The following SNAP29 variants were observed in gnomAD, a reference collection of about 807,000 sequenced individuals.
SNAP29 encodes the protein synaptosome associated protein 29.
SNAP29 carries 13 observed loss-of-function variants against 27.9 expected under a neutral mutation model. The ratio of observed to expected loss-of-function variants is 0.47; its 90% confidence interval spans 0.30 to 0.74. The LOEUF is 0.74. SNAP29 is among the 30% of genes least tolerant of loss of function. The probability of loss-of-function intolerance (pLI) is 0.06; values close to 1 mark genes in which losing one functional copy is unlikely to be tolerated. For missense variants in SNAP29, 368 were observed against 336.5 expected, an observed-to-expected ratio of 1.09 and a Z score of -0.73; for synonymous variants, 119 against 127.1, an observed-to-expected ratio of 0.94 and a Z score of 0.43.
chr22:20,872,794 C>T (rs560648461), intron 2 of SNAP29, among the ~76,000 whole-genome samples: 1 of 139,476 alleles, frequency 7.2e-6, no homozygotes, highest in Admixed American at 7.7e-5. Context: ...CCTCAGCCTC[C>T]TAGAGTGCCG....
chr22:20,882,598 A>G (rs539612019), intron 3 of SNAP29, among the ~76,000 whole-genome samples: 89 of 152,138 alleles, frequency 5.8e-4, no homozygotes, highest in African/African-American at 2.1e-3. Context: ...AGCACAGTTC[A>G]TTCTGGAAAG....
chr22:20,888,492 A>G lies in SNAP29; in HGVS notation c.*656A>G, dbSNP rs1339813697. ...CTCCAGCCCCCCATCCTTGGCATGTATATTAGTAGGAGGGCTTCACACCAG... is the reference window on the plus strand; with the variant it reads ...CTCCAGCCCCCCATCCTTGGCATGTGTATTAGTAGGAGGGCTTCACACCAG... On this transcript the variant is annotated 3_prime_UTR_variant, in exon 5 of 5. Transcript: ENST00000215730. The G allele has an allele frequency of 1.8e-5, 3 of 162,986 alleles. No homozygotes were observed. The highest frequency in any genetic ancestry group is 4.0e-5 in the Non-Finnish European group (3 of 74,584). 10.1% of individuals were successfully genotyped at this position (162,986 alleles called of 1,614,324 possible). A position where few individuals can be genotyped will look rare whatever the true frequency, so the allele number is the denominator to read the frequency against.
intron 2 of SNAP29, among the ~76,000 whole-genome samples, chr22:20,873,398 A>G (rs1466379406): frequency 6.6e-6 from 1 of 152,138 alleles, no homozygotes; most frequent in Non-Finnish European, 1.5e-5. Context: ...ACCTGTGTAC[A>G]CTAGTGTGGC....
At chr22:20,874,349 C>CCACACACACACA (rs361854) in intron 2 of SNAP29, among the ~76,000 whole-genome samples, 1 of 123,496 alleles carries the variant, frequency 8.1e-6, no homozygotes, top group African/African-American at 3.0e-5. Flanking sequence ...CGAAAATTAG[C>CCACACACACACA]CACACACACA....
At position 20,859,367 on chromosome 22, in the gene SNAP29, G is replaced by A. The variant is rs761541852; in HGVS notation, c.237+20G>A. 1.3e-6 allele frequency: 2 copies of A among 1,509,778 alleles called. No individual in the cohort carries two copies. The highest frequency in any genetic ancestry group is 1.8e-6 in the Non-Finnish European group (2 of 1,084,754). The allele number at this position is 1,509,778 out of a possible 1,614,324, so 93.5% of individuals were successfully genotyped here. ...TCCGAGGTGAGCCTGGGGCAGGGCT[G>A]GTGTGGACTCGCCGGTCTCTGTGCT... is the stretch of plus-strand genomic sequence containing the variant. On this transcript the variant is annotated intron_variant, in intron 1 of 4. Transcript: ENST00000215730.
At chr22:20,873,813 C>A (rs541726073) in intron 2 of SNAP29, among the ~76,000 whole-genome samples, 9 of 149,442 alleles carry the variant, frequency 6.0e-5, no homozygotes, top group Non-Finnish European at 8.9e-5. Context: ...CCTAAAAATA[C>A]AAAAATCAGC....
chr22:20,887,418 A>T lies in SNAP29; in HGVS notation c.620-261A>T, dbSNP rs1028623091. On this transcript the variant is annotated intron_variant, in intron 4 of 4. Coordinates refer to ENST00000215730, the MANE Select transcript of SNAP29 (RefSeq NM_004782.4). ...TGTTCCTAGTAAAAAGGCAGAAAGC[A>T]GCCCTGGGCATATCTCCCTACCCCC... Among the ~76,000 whole-genome samples, 9 of 152,138 alleles carry T rather than the reference A, an allele frequency of 5.9e-5. No homozygotes were observed. The East Asian group carries it at 1.7e-3, about 29-fold the overall frequency.
Position 20,859,357 on chromosome 22 carries a change from G to A in SNAP29, c.237+10G>A, listed in dbSNP as rs745946295. On this transcript the variant is annotated intron_variant, in intron 1 of 4. Transcript: ENST00000215730. ...GGTCGCCTCTTCCGAGGTGAGCCTG[G>A]GGCAGGGCTGGTGTGGACTCGCCGG... 20 of 1,580,488 alleles carry A rather than the reference G, an allele frequency of 1.3e-5. No individual in the cohort carries two copies. Among genetic ancestry groups the A allele is most frequent in the Admixed American group, 8.3e-5 (5 of 59,966 alleles).
rs774349258 is a variant in SNAP29 at position 20,883,523 on chromosome 22, G to T, written c.573G>T (p.Lys191Asn). The T allele has an allele frequency of 5.6e-6, 9 of 1,613,614 alleles. No homozygotes were observed. Among genetic ancestry groups the T allele is most frequent in the Non-Finnish European group, 7.6e-6 (9 of 1,179,776 alleles). The stretch of plus-strand genomic sequence containing the variant: ...CCATGAGTACTGATGCTTACCCAAA[G>T]AACCCACACCTTCGAGCCTATCACC... ...GSAMSTDAYP[K>N]NPHLRAYHQK... Residue 191 changes from lysine (K) to asparagine (N), a missense_variant, in exon 4 of 5, where the codon AAG becomes AAT. Coordinates refer to ENST00000215730, the MANE Select transcript of SNAP29 (RefSeq NM_004782.4).
intron 2 of SNAP29, among the ~76,000 whole-genome samples, chr22:20,876,410 A>G (rs1416992906): frequency 6.6e-6 from 1 of 151,358 alleles, no homozygotes; most frequent in Non-Finnish European, 1.5e-5. Context: ...TGCATGGGCC[A>G]CCATGCACTG....
In SNAP29 at chr22:20,859,126, A is replaced by G. The variant is rs1046897856; in HGVS notation, c.16A>G (p.Lys6Glu). Residue 6 changes from lysine (K) to glutamate (E), a missense_variant, in exon 1 of 5, where the codon AAA (lysine) becomes GAA (glutamate). By Grantham distance (56) the Lys-to-Glu change is moderately conservative. Coordinates refer to ENST00000215730, the MANE Select transcript of SNAP29 (RefSeq NM_004782.4). MSAYP[K>E]SYNPFDDDGE... ...CGCCGGCACCATGTCAGCTTACCCT[A>G]AAAGCTACAATCCGTTCGACGACGA... The G allele has an allele frequency of 1.9e-6, 3 of 1,607,492 alleles. No homozygotes were observed. The highest frequency in any genetic ancestry group is 1.7e-6 in the Non-Finnish European group (2 of 1,177,736).
chr22:20,886,944 C>T (rs1294327644), intron 4 of SNAP29, among the ~76,000 whole-genome samples: 1 of 151,912 alleles, frequency 6.6e-6, no homozygotes, highest in Non-Finnish European at 1.5e-5. Flanking sequence ...CTGATTTTGG[C>T]CGGGCGCGGT....
intron 1 of SNAP29, chr22:20,859,566 C>T (rs1928180994): frequency 5.1e-6 from 3 of 584,896 alleles, no homozygotes; most frequent in African/African-American, 3.8e-5. Flanking sequence ...TCTTCCTTAG[C>T]TATTAGTCTG....
chr22:20,866,495 GAAA>G (rs1928462950), intron 1 of SNAP29, among the ~76,000 whole-genome samples: 1 of 152,184 alleles, frequency 6.6e-6, no homozygotes, highest in Non-Finnish European at 1.5e-5. Flanking sequence ...CTCAGTATGA[GAAA>G]CACAGTATTG....
chr22:20,877,229 T>C (rs1026687179), intron 2 of SNAP29, among the ~76,000 whole-genome samples: 1 of 152,102 alleles, frequency 6.6e-6, no homozygotes, highest in African/African-American at 2.4e-5. Flanking sequence ...AAGACCAGCC[T>C]AGCCAACATG....
intron 1 of SNAP29, among the ~76,000 whole-genome samples, chr22:20,868,365 TAA>T: frequency 1.3e-5 from 2 of 152,372 alleles, no homozygotes; most frequent in South Asian, 2.1e-4. Flanking sequence ...TCAGCAGTTC[TAA>T]GTTTATTTCC....
At position 20,883,624 on chromosome 22, in the gene SNAP29, C is replaced by T. The variant is rs537142352; in HGVS notation, c.619+55C>T. 1.3e-5 allele frequency: 15 copies of T among 1,132,078 alleles called. No individual in the cohort carries two copies. The East Asian group carries it at 2.4e-4, about 18-fold the overall frequency. 70.1% of individuals were successfully genotyped at this position (1,132,078 alleles called of 1,614,324 possible). On this transcript the variant is annotated intron_variant, in intron 4 of 4. Transcript: ENST00000215730. ...AAGCCACTGTCCTTCAGGCAGCTTA[C>T]GCCAAGCATAGCCCCTGCATGAGCA...
At chr22:20,883,675 C>T in intron 4 of SNAP29, 106 bp downstream of exon 4, 1 of 764,288 alleles carries the variant, frequency 1.3e-6, no homozygotes, top group Non-Finnish European at 2.4e-6. Context: ...TCCCTCACCA[C>T]ACATCACATC....
At chr22:20,860,869 C>T (rs1569113863) in intron 1 of SNAP29, among the ~76,000 whole-genome samples, 1 of 152,124 alleles carries the variant, frequency 6.6e-6, no homozygotes, top group Non-Finnish European at 1.5e-5. Flanking sequence ...GTAACTGCGT[C>T]TCTACAAAAT....
Sources: allele counts gnomAD v4.1 joint callset (sites outside exome capture counted in the v4.1 genomes callset), GRCh38; gene constraint gnomAD v4.1.1; transcripts MANE v1.5; gene names NCBI Gene and HGNC (gene_info 2026-07-23, HGNC 2026-07-21).